Variants in GPR89B observed in about 807,000 individuals in gnomAD.
The protein encoded by GPR89B is G protein-coupled receptor 89B.
In GPR89B, 25 loss-of-function variants were observed where a neutral mutation model predicts 52.4. The observed-to-expected ratio is 0.48, with a 90% confidence interval of 0.35 to 0.67. The LOEUF is 0.67. Ranked by LOEUF, GPR89B falls within the 30% of genes least tolerant of loss-of-function variation. The probability of loss-of-function intolerance (pLI) is 0.01; values close to 1 mark genes in which losing one functional copy is unlikely to be tolerated. For synonymous variants in GPR89B, 52 were observed against 151.2 expected, an observed-to-expected ratio of 0.34 and a Z score of 4.81; for missense variants, 146 against 450.2, an observed-to-expected ratio of 0.32 and a Z score of 6.11.
chr1:147,929,692 G>A (rs587747108), intron 1 of GPR89B, among the ~76,000 whole-genome samples: 12 of 152,230 alleles, frequency 7.9e-5, no homozygotes, highest in South Asian at 2.1e-4. Context: ...TCCGTAGAGC[G>A]GAGCATTGTC....
chr1:147,935,788 A>G (rs7413990), intron 1 of GPR89B, among the ~76,000 whole-genome samples: 4 of 151,626 alleles, frequency 2.6e-5, no homozygotes, highest in Admixed American at 2.0e-4. Context: ...AGGCTGGAGC[A>G]CAGTGGTGCA....
At chr1:147,959,015 A>C (rs1656340094) in intron 7 of GPR89B, among the ~76,000 whole-genome samples, 2 of 152,034 alleles carry the variant, frequency 1.3e-5, no homozygotes, top group Non-Finnish European at 2.9e-5. Context: ...TACAAAATAA[A>C]ATTTTTTTTA....
chr1:147,972,478 C>T (rs1376498021), intron 10 of GPR89B, among the ~76,000 whole-genome samples: 5 of 150,928 alleles, frequency 3.3e-5, no homozygotes, highest in Non-Finnish European at 7.4e-5. Flanking sequence ...ACATCCTCAC[C>T]AACACTCTAT....
At chr1:147,980,751 G>A (rs1224262752) in intron 10 of GPR89B, among the ~76,000 whole-genome samples, 16 of 146,360 alleles carry the variant, frequency 1.1e-4, no homozygotes, top group Non-Finnish European at 1.6e-4. Flanking sequence ...CCCGGGAGGC[G>A]GAGCTTGCAG....
chr1:147,985,858 A>G (rs1454786067), intron 10 of GPR89B, among the ~76,000 whole-genome samples: 11 of 152,196 alleles, frequency 7.2e-5, no homozygotes, highest in African/African-American at 2.7e-4. Context: ...GAAAATAACC[A>G]CAAGGAATTA....
chr1:147,943,844 A>G, intron 4 of GPR89B, 153 bp from the exon 5 acceptor site: 1 of 795,716 alleles, frequency 1.3e-6, no homozygotes. Context: ...TACGATGGTA[A>G]GGATGCTTTC....
chr1:148,016,690 G>C, the GPR89B span, among the ~76,000 whole-genome samples: 10 of 151,904 alleles, frequency 6.6e-5, no homozygotes, highest in Non-Finnish European at 2.9e-5. Flanking sequence ...CCGGGAATTG[G>C]AGACCAGCCT....
At chr1:147,952,303 G>A (rs1258533283) in intron 5 of GPR89B, among the ~76,000 whole-genome samples, 4 of 151,822 alleles carry the variant, frequency 2.6e-5, no homozygotes, top group African/African-American at 4.9e-5. Context: ...TCCAGAGTTG[G>A]GAATTTGTAG....
intron 10 of GPR89B, among the ~76,000 whole-genome samples, chr1:147,982,970 T>C (rs1372264801): frequency 6.6e-6 from 1 of 152,010 alleles, no homozygotes; most frequent in Admixed American, 6.6e-5. Context: ...TGTATAAGAA[T>C]GCTTGTGATT....
chr1:147,994,313 A>G, downstream of GPR89B: 2 of 1,529,828 alleles, frequency 1.3e-6, no homozygotes, highest in Non-Finnish European at 9.0e-7. Context: ...ACATCTCTGT[A>G]TCTTCAGAAT....
Position 147,986,273 on chromosome 1 carries a change from T to A in GPR89B, c.984T>A (p.Asn328Lys). 2 of 1,611,126 alleles carry A rather than the reference T, an allele frequency of 1.2e-6. No homozygotes were observed. Among genetic ancestry groups the A allele is most frequent in the South Asian group, 2.2e-5 (2 of 90,880 alleles). The change falls in exon 11 of 14, where the codon AAT (asparagine) becomes AAA (lysine). Residue 328 changes from asparagine to lysine, a missense_variant. Transcript: ENST00000314163. ...PVTRGIEITV[N>K]YLGIQFDVKF... ...CAAGAGGCATTGAGATCACTGTGAA[T>A]TATCTGGGAATCCAATTTGATGTAA... is the stretch of plus-strand genomic sequence containing the variant.
intron 11 of GPR89B, among the ~76,000 whole-genome samples, chr1:147,986,621 A>C (rs1283356439): frequency 8.4e-4 from 128 of 152,194 alleles, no homozygotes; most frequent in Non-Finnish European, 1.5e-3. Flanking sequence ...CTCCCCACCA[A>C]AGTATTCAAA....
intron 5 of GPR89B, among the ~76,000 whole-genome samples, chr1:147,945,427 T>C (rs1158291728): frequency 6.6e-6 from 1 of 152,128 alleles, no homozygotes; most frequent in Non-Finnish European, 1.5e-5. Flanking sequence ...CACCCTTCCA[T>C]GTATACTGAT....
chr1:147,986,556 T>G (rs1658684728), intron 11 of GPR89B, among the ~76,000 whole-genome samples: 1 of 152,190 alleles, frequency 6.6e-6, no homozygotes, highest in Non-Finnish European at 1.5e-5. Context: ...GGATGCTGAT[T>G]ATTTCTACAG....
intron 1 of GPR89B, among the ~76,000 whole-genome samples, chr1:147,929,356 C>T (rs1571207650): frequency 6.6e-6 from 1 of 151,834 alleles, no homozygotes; most frequent in East Asian, 1.9e-4. Flanking sequence ...ATTGTTTCTT[C>T]CTAGCATTCA....
intron 1 of GPR89B, among the ~76,000 whole-genome samples, chr1:147,935,464 T>C (rs1377737876): frequency 1.3e-5 from 2 of 152,230 alleles, no homozygotes; most frequent in Non-Finnish European, 2.9e-5. Flanking sequence ...TGTGTATGTA[T>C]AGAAAGTTCT....
rs1259991683 is a variant in GPR89B at position 147,936,621 on chromosome 1, C to T, written c.43-6C>T. 1.9e-6 allele frequency: 3 copies of T among 1,609,844 alleles called. No individual in the cohort carries two copies. In the African/African-American group the frequency reaches 4.0e-5, roughly 22 times the overall value. On this transcript the variant is annotated splice_region_variant and splice_polypyrimidine_tract_variant and intron_variant, in intron 1 of 13. Transcript: ENST00000314163. Reference sequence around the variant, plus strand: ...GTATTGACATTCTATCTTCTTTCTCCTCCAGATACTATTTTTTGGATTTGG... The same window carrying T: ...GTATTGACATTCTATCTTCTTTCTCTTCCAGATACTATTTTTTGGATTTGG...
chr1:147,990,125 G>C (rs1658954542), intron 12 of GPR89B, among the ~76,000 whole-genome samples: 3 of 152,152 alleles, frequency 2.0e-5, no homozygotes, highest in Non-Finnish European at 4.4e-5. Flanking sequence ...TCCAGCACCT[G>C]TTGTTTCCTG....
Position 147,971,464 on chromosome 1 carries a change from C to CTTTTTTTT in GPR89B, c.909+1523_909+1530dup, listed in dbSNP as rs1196935183. On this transcript the variant is annotated intron_variant, in intron 10 of 13. Coordinates refer to ENST00000314163, the MANE Select transcript of GPR89B (RefSeq NM_016334.5). ...TCACACCCGGCCTAGGGAAGCATGTCTTTTTTTTTTTTTTTTTTTTTTTTT... is the reference window on the plus strand; with the variant it reads ...TCACACCCGGCCTAGGGAAGCATGTCTTTTTTTTTTTTTTTTTTTTTTTTTTTTTTTTT... Among the ~76,000 whole-genome samples, 29 of 70,242 alleles carry CTTTTTTTT rather than the reference C, an allele frequency of 4.1e-4. 1 individual carries two copies. Among genetic ancestry groups the CTTTTTTTT allele is most frequent in the East Asian group, 9.5e-4 (2 of 2,102 alleles). The allele number at this position is 70,242 out of a possible 152,430, so 46.1% of individuals were successfully genotyped here.
Sources: gnomAD v4.1 joint callset for allele counts (sites outside exome capture counted in the v4.1 genomes callset) on GRCh38, gnomAD v4.1.1 for gene constraint, MANE v1.5 for transcripts, NCBI Gene and HGNC (gene_info 2026-07-23, HGNC 2026-07-21) for gene names.